KCNIP1: variants seen among roughly 807,000 people sequenced by gnomAD.
The protein encoded by KCNIP1 is A-type potassium channel modulatory protein KCNIP1.
A neutral mutation model predicts 33.0 loss-of-function variants in KCNIP1; 18 were observed. The ratio of observed to expected loss-of-function variants is 0.55; its 90% CI spans 0.38 to 0.81. KCNIP1 has a LOEUF of 0.81. Ranked by LOEUF, KCNIP1 falls within the 30% of genes least tolerant of loss-of-function variation. The pLI is 0.00. For synonymous variants in KCNIP1, 93 were observed against 98.3 expected, an observed-to-expected ratio of 0.95 and a Z score of 0.32; for missense variants, 238 against 271.6, an observed-to-expected ratio of 0.88 and a Z score of 0.87.
rs1756460476 is a variant in KCNIP1 at position 170,547,535 on chromosome 5, C to G, written c.61+42902C>G. Among the ~76,000 whole-genome samples the G allele has an allele frequency of 2.0e-5, 3 of 152,182 alleles. No individual in the cohort carries two copies. In the South Asian group the frequency reaches 6.2e-4, roughly 31 times the overall value. On this transcript the variant is annotated intron_variant, in intron 1 of 7. Transcript: ENST00000328939. ...TCCTGATCCTCTCCCTCCTCCCACCCTCTGGTGGGCCCCAGTATGCATTGT... is the reference window on the plus strand; with the variant it reads ...TCCTGATCCTCTCCCTCCTCCCACCGTCTGGTGGGCCCCAGTATGCATTGT...
intron 1 of KCNIP1, among the ~76,000 whole-genome samples, chr5:170,390,766 G>A (rs905068227): frequency 6.6e-5 from 10 of 151,736 alleles, no homozygotes; most frequent in African/African-American, 2.4e-4. Flanking sequence ...TGACCCTGGG[G>A]CTGCTCTGAG....
At chr5:170,522,548 G>A (rs1300527651) in intron 1 of KCNIP1, among the ~76,000 whole-genome samples, 2 of 152,224 alleles carry the variant, frequency 1.3e-5, no homozygotes, top group Non-Finnish European at 2.9e-5. Context: ...CTTTTGCTGG[G>A]TGTGCCAGCA....
chr5:170,478,384 C>T (rs376030980), intron 1 of KCNIP1, among the ~76,000 whole-genome samples: 5 of 152,340 alleles, frequency 3.3e-5, no homozygotes, highest in East Asian at 1.9e-4. Context: ...GACTATGCAA[C>T]GCTCATGGCT....
At chr5:170,731,221 C>T (rs1581557084) in intron 5 of KCNIP1, among the ~76,000 whole-genome samples, 1 of 152,166 alleles carries the variant, frequency 6.6e-6, no homozygotes, top group African/African-American at 2.4e-5. Context: ...GACATCTCAA[C>T]ACTATGTAAC....
intron 1 of KCNIP1, among the ~76,000 whole-genome samples, chr5:170,432,018 C>G (rs560258569): frequency 2.2e-4 from 34 of 151,630 alleles, no homozygotes; most frequent in East Asian, 5.8e-4. Flanking sequence ...CTCTCTCTCT[C>G]TGTGTCTCTC....
intron 1 of KCNIP1, among the ~76,000 whole-genome samples, chr5:170,539,097 C>T (rs1357513106): frequency 6.6e-6 from 1 of 152,030 alleles, no homozygotes; most frequent in East Asian, 2.0e-4. Flanking sequence ...ATCTCATCAC[C>T]TCCTGTTTTC....
At chr5:170,654,841 T>G (rs1761198092) in intron 1 of KCNIP1, among the ~76,000 whole-genome samples, 1 of 152,246 alleles carries the variant, frequency 6.6e-6, no homozygotes, top group South Asian at 2.1e-4. Context: ...TTATGGTTTT[T>G]GGAATACAGT....
intron 1 of KCNIP1, among the ~76,000 whole-genome samples, chr5:170,545,251 G>A (rs1191948978): frequency 6.6e-6 from 1 of 152,162 alleles, no homozygotes. Flanking sequence ...CCTTATTGGT[G>A]CTTCCTTGAA....
intron 1 of KCNIP1, among the ~76,000 whole-genome samples, chr5:170,605,849 C>A (rs2113601648): frequency 6.6e-6 from 1 of 150,842 alleles, no homozygotes; most frequent in South Asian, 2.1e-4. Context: ...ACCTCAGCTC[C>A]CTGTAACCTC....
intron 1 of KCNIP1, among the ~76,000 whole-genome samples, chr5:170,604,415 G>A (rs952470342): frequency 1.3e-5 from 2 of 152,150 alleles, no homozygotes; most frequent in Non-Finnish European, 2.9e-5. Flanking sequence ...GGCGGGGATC[G>A]GAGGAACAGA....
intron 1 of KCNIP1, among the ~76,000 whole-genome samples, chr5:170,677,794 A>C (rs1206016363): frequency 1.3e-5 from 2 of 152,000 alleles, no homozygotes; most frequent in East Asian, 3.9e-4. Flanking sequence ...AAATAATCAA[A>C]CCTTTGTTTC....
At chr5:170,400,628 A>T (rs1434370862) in intron 1 of KCNIP1, among the ~76,000 whole-genome samples, 1 of 152,242 alleles carries the variant, frequency 6.6e-6, no homozygotes, top group Non-Finnish European at 1.5e-5. Context: ...TGTGCTAAGT[A>T]CTTGAACTGC....
At chr5:170,367,418 A>AAAGAAAGG (rs1561586954) in intron 1 of KCNIP1, among the ~76,000 whole-genome samples, 101 of 101,298 alleles carry the variant, frequency 1.0e-3, no homozygotes, top group Non-Finnish European at 1.7e-3. Flanking sequence ...AGAAAGAAAG[A>AAAGAAAGG]AAGGAAAGAA....
intron 1 of KCNIP1, among the ~76,000 whole-genome samples, chr5:170,370,098 G>T (rs1561588124): frequency 6.6e-6 from 1 of 152,030 alleles, no homozygotes; most frequent in African/African-American, 2.4e-5. Flanking sequence ...AAGCAAGAGG[G>T]GAGAGAGAGA....
At chr5:170,522,434 AC>A (rs1426510051) in intron 1 of KCNIP1, among the ~76,000 whole-genome samples, 1 of 152,200 alleles carries the variant, frequency 6.6e-6, no homozygotes, top group Non-Finnish European at 1.5e-5. Flanking sequence ...AGGCATGACA[AC>A]TTCAGCATTC....
intron 1 of KCNIP1, among the ~76,000 whole-genome samples, chr5:170,528,490 C>T (rs1453074639): frequency 6.6e-6 from 1 of 152,122 alleles, no homozygotes; most frequent in African/African-American, 2.4e-5. Flanking sequence ...TGGTTGTGTC[C>T]AGTGCCTGGG....
At position 170,504,594 on chromosome 5, in the gene KCNIP1, T is replaced by A. The variant is rs1327053166; in HGVS notation, c.22T>A (p.Phe8Ile). ...TGCCATGGGGGCCGTCATGGGCACC[T>A]TCTCATCTCTGCAAACCAAACAAAG... MGAVMGT[F>I]SSLQTKQRRP... The change falls in exon 1 of 8, where the codon TTC becomes ATC. Residue 8 changes from phenylalanine (F) to isoleucine (I), a missense_variant. By Grantham distance (21) the Phe-to-Ile change is conservative. Coordinates refer to ENST00000328939, the MANE Select transcript of KCNIP1 (RefSeq NM_014592.4). The surrounding 1 kb of genome is among the most constrained non-coding windows in gnomAD (Gnocchi z 6.0). 6.2e-7 allele frequency: 1 copy of A among 1,613,744 alleles called. No homozygotes were observed. The highest frequency in any genetic ancestry group is 8.5e-7 in the Non-Finnish European group (1 of 1,179,984).
At chr5:170,593,218 G>T (rs1468337774) in intron 1 of KCNIP1, among the ~76,000 whole-genome samples, 4 of 152,220 alleles carry the variant, frequency 2.6e-5, no homozygotes, top group Non-Finnish European at 5.9e-5. Context: ...TGATCCACAG[G>T]TGGGTGGGAG....
At chr5:170,650,268 T>C (rs1299021410) in intron 1 of KCNIP1, among the ~76,000 whole-genome samples, 1 of 152,192 alleles carries the variant, frequency 6.6e-6, no homozygotes, top group South Asian at 2.1e-4. Flanking sequence ...AATCAAGATA[T>C]GAATATAACT....
Sources: allele counts gnomAD v4.1 joint callset (sites outside exome capture counted in the v4.1 genomes callset), GRCh38; gene constraint gnomAD v4.1.1; non-coding constraint Gnocchi (gnomAD v3.1); transcripts MANE v1.5; gene names NCBI Gene and HGNC (gene_info 2026-07-23, HGNC 2026-07-21).